The following DAAM1 variants were observed in gnomAD, a reference collection of about 807,000 sequenced individuals.
DAAM1 encodes the protein dishevelled associated activator of morphogenesis 1.
A neutral mutation model predicts 130.0 loss-of-function variants in DAAM1; 52 were observed. The ratio of observed to expected loss-of-function variants is 0.40; its 90% confidence interval spans 0.32 to 0.50. DAAM1 has a LOEUF of 0.50. Among genes scored for constraint, DAAM1 ranks in the 20% least tolerant of loss-of-function variants. The pLI is 0.61. For synonymous variants in DAAM1, 452 were observed against 444.5 expected, an observed-to-expected ratio of 1.02 and a Z score of -0.21; for missense variants, 1,134 against 1,303.8, an observed-to-expected ratio of 0.87 and a Z score of 2.01.
At chr14:59,337,968 G>C (rs1885693851) in intron 15 of DAAM1, among the ~76,000 whole-genome samples, 1 of 152,014 alleles carries the variant, frequency 6.6e-6, no homozygotes, top group South Asian at 2.1e-4. Context: ...ATTAACAGTA[G>C]GAATAGTTTC....
At chr14:59,343,926 G>C (rs567569958) in intron 16 of DAAM1, among the ~76,000 whole-genome samples, 8 of 152,316 alleles carry the variant, frequency 5.3e-5, no homozygotes, top group Admixed American at 2.0e-4. Context: ...GCACGTCTTA[G>C]AGACGTTCCT....
At chr14:59,343,679 C>T in intron 16 of DAAM1, among the ~76,000 whole-genome samples, 1 of 152,180 alleles carries the variant, frequency 6.6e-6, no homozygotes, top group East Asian at 1.9e-4. Context: ...TGTCAGTGGA[C>T]CTTTTGGTCA....
intron 1 of DAAM1, among the ~76,000 whole-genome samples, chr14:59,255,554 T>C (rs1416385528): frequency 1.3e-5 from 2 of 152,208 alleles, no homozygotes; most frequent in Admixed American, 6.5e-5. Flanking sequence ...CATTATTGTG[T>C]TGTTGCAATG....
chr14:59,198,207 C>CTTTTTTTTTTTTTT (rs751141772), intron 1 of DAAM1, among the ~76,000 whole-genome samples: 1 of 133,428 alleles, frequency 7.5e-6, no homozygotes. Flanking sequence ...TCTTTTCTTT[C>CTTTTTTTTTTTTTT]TTTTTTTTTT....
intron 18 of DAAM1, 83 bp from the exon 19 acceptor site, chr14:59,353,793 A>G: frequency 1.5e-6 from 2 of 1,329,190 alleles, no homozygotes; most frequent in Non-Finnish European, 2.1e-6. Context: ...AGGTGCTTCT[A>G]GGTACCTCCA....
At position 59,188,759 on chromosome 14, in the gene DAAM1, G is replaced by C. The variant is rs986078640; in HGVS notation, c.-47G>C. Reference sequence around the variant, plus strand: ...CAGAGCCGCCTTTCCAGCATGCAGGGGCTGCTCAGGTAAGGGGGACGCTCC... The same window carrying C: ...CAGAGCCGCCTTTCCAGCATGCAGGCGCTGCTCAGGTAAGGGGGACGCTCC... On this transcript the variant is annotated 5_prime_UTR_variant, in exon 1 of 25. Transcript: ENST00000360909. 2 of 153,008 alleles carry C rather than the reference G, an allele frequency of 1.3e-5. No homozygotes were observed. The highest frequency in any genetic ancestry group is 2.9e-5 in the Non-Finnish European group (2 of 68,366). 9.5% of individuals were successfully genotyped at this position (153,008 alleles called of 1,614,324 possible).
intron 1 of DAAM1, among the ~76,000 whole-genome samples, chr14:59,213,250 G>A (rs1888481807): frequency 7.1e-6 from 1 of 140,270 alleles, no homozygotes; most frequent in African/African-American, 2.7e-5. Context: ...CCCTTCCCCC[G>A]TATCCCTTCC....
intron 2 of DAAM1, among the ~76,000 whole-genome samples, chr14:59,281,953 G>A (rs138890178): frequency 7.4e-4 from 113 of 152,242 alleles, no homozygotes; most frequent in African/African-American, 2.3e-3. Context: ...AATTTAATCT[G>A]TGTAACTCTC....
At chr14:59,221,485 A>G (rs949381388) in intron 1 of DAAM1, among the ~76,000 whole-genome samples, 2 of 152,184 alleles carry the variant, frequency 1.3e-5, no homozygotes, top group Non-Finnish European at 2.9e-5. Context: ...TCAGCTGGTT[A>G]TGATTCTTTA....
intron 1 of DAAM1, among the ~76,000 whole-genome samples, chr14:59,239,920 G>A (rs924582707): frequency 2.6e-5 from 4 of 152,110 alleles, no homozygotes; most frequent in African/African-American, 9.7e-5. Flanking sequence ...TCCCTGATAG[G>A]CTTATTTAAG....
intron 3 of DAAM1, among the ~76,000 whole-genome samples, chr14:59,311,360 G>C (rs1460656404): frequency 6.6e-6 from 1 of 152,086 alleles, no homozygotes; most frequent in African/African-American, 2.4e-5. Context: ...GGAGGTGGAG[G>C]GGTGCCCCAG....
intron 1 of DAAM1, among the ~76,000 whole-genome samples, chr14:59,231,886 G>A (rs1190438072): frequency 6.6e-6 from 1 of 152,158 alleles, no homozygotes; most frequent in Admixed American, 6.6e-5. Context: ...CCTAATCCCA[G>A]TGTGATGGTA....
intron 4 of DAAM1, among the ~76,000 whole-genome samples, chr14:59,317,042 TCTC>T (rs1157808542): frequency 1.3e-5 from 2 of 152,192 alleles, no homozygotes; most frequent in African/African-American, 4.8e-5. Context: ...GGGCCTCCTC[TCTC>T]CTCCATCCAG....
At chr14:59,227,178 C>A (rs1353730902) in intron 1 of DAAM1, among the ~76,000 whole-genome samples, 1 of 149,392 alleles carries the variant, frequency 6.7e-6, no homozygotes, top group Non-Finnish European at 1.5e-5. Context: ...TACAGACTCC[C>A]TTACAAATAC....
rs200664767 is a variant in DAAM1, at chr14:59,297,240, T to G, written c.273+5934T>G. 7.9e-5 allele frequency among the ~76,000 whole-genome samples: 12 copies of G among 152,314 alleles called. No homozygotes were observed. In the East Asian group the frequency reaches 1.5e-3, roughly 20 times the overall value. On this transcript the variant is annotated intron_variant, in intron 3 of 24. Transcript: ENST00000360909. ...CCCACATTGCATCACTGGTTCTTAT[T>G]CATGGATGCCCTTGTTATACTGGTT...
chr14:59,275,568 G>A (rs555003897), intron 2 of DAAM1, among the ~76,000 whole-genome samples: 8 of 152,212 alleles, frequency 5.3e-5, no homozygotes, highest in South Asian at 4.2e-4. Flanking sequence ...TTAGATTACC[G>A]GAAAACTGTT....
chr14:59,251,540 C>G (rs1881643299), intron 1 of DAAM1, among the ~76,000 whole-genome samples: 1 of 151,440 alleles, frequency 6.6e-6, no homozygotes, highest in Non-Finnish European at 1.5e-5. Context: ...AGTTCTGAGT[C>G]AAGGCGTTAT....
rs1170241016 is a variant in DAAM1 at position 59,326,493 on chromosome 14, ATTC to A, written c.1175-14_1175-12del. On this transcript the variant is annotated splice_polypyrimidine_tract_variant and intron_variant, in intron 10 of 24. Coordinates refer to ENST00000360909, the MANE Select transcript of DAAM1 (RefSeq NM_001270520.2). ...AACAACTTGAAGATTTTTTTTCACT[ATTC>A]TTTTCTTTTTTAGACAAGAGGAGTG... 7.7e-6 allele frequency: 12 copies of A among 1,560,316 alleles called. No individual in the cohort carries two copies. The highest frequency in any genetic ancestry group is 1.0e-5 in the Non-Finnish European group (12 of 1,154,878).
chr14:59,335,406 A>G (rs1000426642), intron 15 of DAAM1, among the ~76,000 whole-genome samples: 6 of 152,198 alleles, frequency 3.9e-5, no homozygotes, highest in African/African-American at 1.4e-4. Flanking sequence ...TACATTATAC[A>G]TGATTTCCAG....
Sources: gnomAD v4.1 joint callset for allele counts (sites outside exome capture counted in the v4.1 genomes callset) on GRCh38, gnomAD v4.1.1 for gene constraint, MANE v1.5 for transcripts, NCBI Gene and HGNC (gene_info 2026-07-23, HGNC 2026-07-21) for gene names.